SUCLG2: variants seen among roughly 807,000 people sequenced by gnomAD.
SUCLG2 encodes the protein succinate-CoA ligase GDP-forming subunit beta.
A neutral mutation model predicts 47.9 loss-of-function variants in SUCLG2; 42 were observed. That is an observed-to-expected ratio of 0.88 (90% CI 0.69 to 1.14). SUCLG2 has a LOEUF of 1.14. Ranked by LOEUF, SUCLG2 falls within the 50% of genes most tolerant of loss-of-function variation. SUCLG2 has a pLI of 0.00. For missense variants in SUCLG2, 571 were observed against 525.9 expected (o/e 1.09, Z -0.84); for synonymous variants, 195 against 197.3 (o/e 0.99, Z 0.10).
chr3:67,638,777 C>T (rs887997208), intron 1 of SUCLG2, among the ~76,000 whole-genome samples: 8 of 152,118 alleles, frequency 5.3e-5, no homozygotes, highest in Admixed American at 2.0e-4. Context: ...CCAATTGTAG[C>T]GGATGTTGTA....
At chr3:67,607,365 T>C (rs1700436657) in intron 2 of SUCLG2, among the ~76,000 whole-genome samples, 1 of 152,236 alleles carries the variant, frequency 6.6e-6, no homozygotes, top group African/African-American at 2.4e-5. Flanking sequence ...TAATTACATG[T>C]TGAAATGATG....
chr3:67,516,186 A>AAG (rs1446919645), intron 6 of SUCLG2, among the ~76,000 whole-genome samples: 4 of 152,224 alleles, frequency 2.6e-5, no homozygotes, highest in Admixed American at 2.6e-4. Flanking sequence ...GCAGTGAAAA[A>AAG]AGAAAAAAAC....
chr3:67,454,685 G>A (rs141973432), intron 9 of SUCLG2, among the ~76,000 whole-genome samples: 6 of 152,206 alleles, frequency 3.9e-5, no homozygotes, highest in African/African-American at 7.2e-5. Flanking sequence ...AAAATGGGCC[G>A]GGCGTGGTGG....
intron 9 of SUCLG2, among the ~76,000 whole-genome samples, chr3:67,472,537 T>G (rs2106989453): frequency 6.6e-6 from 1 of 152,328 alleles, no homozygotes; most frequent in Non-Finnish European, 1.5e-5. Context: ...ACACTTAGAT[T>G]TATTTACTTT....
chr3:67,492,763 T>C (rs957133347), intron 9 of SUCLG2, among the ~76,000 whole-genome samples: 1 of 152,180 alleles, frequency 6.6e-6, no homozygotes, highest in African/African-American at 2.4e-5. Context: ...TTCATATATA[T>C]GATAAAATAA....
chr3:67,433,895 C>G (rs1703549726), intron 9 of SUCLG2, among the ~76,000 whole-genome samples: 1 of 151,874 alleles, frequency 6.6e-6, no homozygotes, highest in Middle Eastern at 3.4e-3. Flanking sequence ...TGTTTTCTTG[C>G]TGGTTTAATA....
chr3:67,600,146 C>A (rs1295672238), intron 2 of SUCLG2, among the ~76,000 whole-genome samples: 2 of 152,264 alleles, frequency 1.3e-5, no homozygotes, highest in East Asian at 3.9e-4. Flanking sequence ...TAGAAAATAT[C>A]AACCAACAGT....
intron 1 of SUCLG2, among the ~76,000 whole-genome samples, chr3:67,622,703 A>C (rs1240298704): frequency 6.6e-6 from 1 of 152,230 alleles, no homozygotes; most frequent in Non-Finnish European, 1.5e-5. Flanking sequence ...AATTACATTT[A>C]ATAAAATTAA....
downstream of SUCLG2, among the ~76,000 whole-genome samples, chr3:67,370,884 T>C (rs148750146): frequency 6.6e-6 from 1 of 152,320 alleles, no homozygotes; most frequent in African/African-American, 2.4e-5. Context: ...GGCTATTTAT[T>C]TATTTAAAAC....
At chr3:67,410,531 T>C (rs2106835372) in intron 9 of SUCLG2, among the ~76,000 whole-genome samples, 1 of 152,336 alleles carries the variant, frequency 6.6e-6, no homozygotes, top group African/African-American at 2.4e-5. Flanking sequence ...CGTATCCTTT[T>C]GAACTGAGAA....
intron 8 of SUCLG2, among the ~76,000 whole-genome samples, chr3:67,497,622 A>G (rs1705381171): frequency 1.3e-5 from 2 of 152,156 alleles, no homozygotes; most frequent in South Asian, 4.1e-4. Flanking sequence ...TGATAAAGGA[A>G]TTTTGTTTTA....
chr3:67,371,795 G>A (rs752754732), downstream of SUCLG2, among the ~76,000 whole-genome samples: 2 of 152,142 alleles, frequency 1.3e-5, no homozygotes, highest in African/African-American at 2.4e-5. Context: ...AAAGACCAGT[G>A]GCTTTTGACT....
At chr3:67,412,449 C>T (rs1702950849) in intron 9 of SUCLG2, among the ~76,000 whole-genome samples, 1 of 152,136 alleles carries the variant, frequency 6.6e-6, no homozygotes, top group Non-Finnish European at 1.5e-5. Flanking sequence ...GCAGAATTGT[C>T]AGGGGCCTCT....
chr3:67,479,121 G>A (rs567524219), intron 9 of SUCLG2, among the ~76,000 whole-genome samples: 1 of 152,246 alleles, frequency 6.6e-6, no homozygotes, highest in African/African-American at 2.4e-5. Context: ...CAGCAATGAA[G>A]TCTCATCTTG....
At chr3:67,466,113 G>T (rs920863048) in intron 9 of SUCLG2, among the ~76,000 whole-genome samples, 1 of 152,112 alleles carries the variant, frequency 6.6e-6, no homozygotes, top group African/African-American at 2.4e-5. Flanking sequence ...AGCACTTTGG[G>T]AGGCTGAGGC....
At chr3:67,606,856 G>C (rs1223800114) in intron 2 of SUCLG2, among the ~76,000 whole-genome samples, 2 of 152,146 alleles carry the variant, frequency 1.3e-5, no homozygotes, top group Admixed American at 1.3e-4. Context: ...CCTAGTACAT[G>C]GTTGACCCTC....
chr3:67,635,205 A>C (rs2107358765), intron 1 of SUCLG2, among the ~76,000 whole-genome samples: 1 of 152,328 alleles, frequency 6.6e-6, no homozygotes, highest in South Asian at 2.1e-4. Context: ...ATTGTGCAAA[A>C]GAGGTAGGAA....
At chr3:67,635,532 TG>T (rs1700995054) in intron 1 of SUCLG2, among the ~76,000 whole-genome samples, 1 of 152,230 alleles carries the variant, frequency 6.6e-6, no homozygotes, top group African/African-American at 2.4e-5. Flanking sequence ...TTACTTTAGC[TG>T]GGCCACTTAC....
At chr3:67,365,287 T>C (rs1701859735) in intron 10 of SUCLG2, among the ~76,000 whole-genome samples, 1 of 152,176 alleles carries the variant, frequency 6.6e-6, no homozygotes, top group Admixed American at 6.5e-5. Context: ...CATACACCTT[T>C]AGAATCAAGA....
Sources: allele counts gnomAD v4.1 joint callset (sites outside exome capture counted in the v4.1 genomes callset), GRCh38; gene constraint gnomAD v4.1.1; transcripts MANE v1.5; gene names NCBI Gene and HGNC (gene_info 2026-07-23, HGNC 2026-07-21).